CAMTA1: variants seen among roughly 807,000 people sequenced by gnomAD.
CAMTA1 encodes calmodulin binding transcription activator 1.
Under a neutral mutation model 170.9 loss-of-function variants are expected in CAMTA1, and 27 were observed. The observed-to-expected ratio is 0.16, with a 90% CI of 0.12 to 0.22. CAMTA1 has a LOEUF of 0.22. Ranked by LOEUF, CAMTA1 falls within the 10% of genes least tolerant of loss-of-function variation. The probability of loss-of-function intolerance (pLI) is 1.00; values close to 1 mark genes in which losing one functional copy is unlikely to be tolerated. For missense variants in CAMTA1, 1,619 were observed against 2,217.2 expected (o/e 0.73, Z 5.42); for synonymous variants, 833 against 891.5 (o/e 0.93, Z 1.17).
At position 7,092,817 on chromosome 1, in the gene CAMTA1, G is replaced by T. The variant is rs1490350146; in HGVS notation, c.302+1446G>T. 2.0e-5 allele frequency among the ~76,000 whole-genome samples: 3 copies of T among 152,222 alleles called. No homozygotes were observed. Among genetic ancestry groups the T allele is most frequent in the African/African-American group, 7.2e-5 (3 of 41,456 alleles). On this transcript the variant is annotated intron_variant, in intron 4 of 22. Transcript: ENST00000303635. The surrounding 1 kb of genome is among the most constrained non-coding windows in gnomAD (Gnocchi z 5.0). ...ATTTTGCTGTGGGACCTAGGCTGAG[G>T]AAGCCCCCTCTGCCTGGGAAGTTGG...
At position 7,463,841 on chromosome 1, in the gene CAMTA1, C is replaced by T. The variant is rs1354479448; in HGVS notation, c.439-3989C>T. On this transcript the variant is annotated intron_variant, in intron 5 of 22. Coordinates refer to ENST00000303635, the MANE Select transcript of CAMTA1 (RefSeq NM_015215.4). The surrounding 1 kb of genome is among the most constrained non-coding windows in gnomAD (Gnocchi z 4.7). Reference sequence around the variant, plus strand: ...CAGGAGCCCTCTTTGGTGTGGGACCCCCACTGCGTTTGAGGGGGCTCTGCG... The same window carrying T: ...CAGGAGCCCTCTTTGGTGTGGGACCTCCACTGCGTTTGAGGGGGCTCTGCG... Among the ~76,000 whole-genome samples, 1 of 152,214 alleles carries T rather than the reference C, an allele frequency of 6.6e-6. No homozygotes were observed. Among genetic ancestry groups the T allele is most frequent in the African/African-American group, 2.4e-5 (1 of 41,456 alleles).
chr1:7,077,987 C>T (rs558903773), intron 3 of CAMTA1, among the ~76,000 whole-genome samples: 12 of 143,420 alleles, frequency 8.4e-5, no homozygotes, highest in South Asian at 6.5e-4. Flanking sequence ...GAAGAGCTTG[C>T]GTGCACACAC....
At position 7,205,383 on chromosome 1, in the gene CAMTA1, G is replaced by A. The variant is rs544741672; in HGVS notation, c.303-44108G>A. Among the ~76,000 whole-genome samples the A allele has an allele frequency of 3.3e-5, 5 of 152,286 alleles. No homozygotes were observed. The East Asian group carries it at 7.7e-4, about 24-fold the overall frequency. On this transcript the variant is annotated intron_variant, in intron 4 of 22. Transcript: ENST00000303635. ...CTCCCAAAGTGTTGAGATTACAGAC[G>A]TGAGCCACCATGCCCGGCCTCCAAC...
intron 3 of CAMTA1, among the ~76,000 whole-genome samples, chr1:6,930,941 C>T (rs550687497): frequency 3.9e-5 from 6 of 152,372 alleles, no homozygotes; most frequent in Non-Finnish European, 5.9e-5. Context: ...GGCTCCGCCG[C>T]GTCTCCTCTG....
rs545875124 is a variant in CAMTA1, at chr1:7,124,740, A to T, written c.302+33369A>T. ...CCCCACGGCGAAGCACGGCGCTGAC[A>T]GCAGGAGATGGCTTAGTAGGTGTGC... On this transcript the variant is annotated intron_variant, in intron 4 of 22. Coordinates refer to ENST00000303635, the MANE Select transcript of CAMTA1 (RefSeq NM_015215.4). 6.6e-5 allele frequency among the ~76,000 whole-genome samples: 10 copies of T among 152,392 alleles called. No individual in the cohort carries two copies. In the South Asian group the frequency reaches 1.9e-3, roughly 28 times the overall value.
intron 1 of CAMTA1, among the ~76,000 whole-genome samples, chr1:6,804,409 A>G (rs1570177701): frequency 1.3e-5 from 2 of 151,958 alleles, no homozygotes; most frequent in Admixed American, 6.6e-5. Flanking sequence ...TTTCTTTTGT[A>G]TATTTACATG....
At chr1:6,952,226 C>T (rs1455471992) in intron 3 of CAMTA1, among the ~76,000 whole-genome samples, 2 of 150,698 alleles carry the variant, frequency 1.3e-5, no homozygotes, top group South Asian at 2.1e-4. Context: ...GTCAGGAGAT[C>T]GAGACCATCC....
At chr1:7,164,370 T>C (rs763009757) in intron 4 of CAMTA1, among the ~76,000 whole-genome samples, 2 of 152,242 alleles carry the variant, frequency 1.3e-5, no homozygotes, top group Non-Finnish European at 2.9e-5. Flanking sequence ...ATTATCATTT[T>C]TGCCAGCAAC....
chr1:7,728,247 A>G (rs1342660020), intron 11 of CAMTA1, among the ~76,000 whole-genome samples: 4 of 152,188 alleles, frequency 2.6e-5, no homozygotes, highest in African/African-American at 9.7e-5. Context: ...TGACTCAGTG[A>G]TGTCAGGGAA....
At position 7,482,792 on chromosome 1, in the gene CAMTA1, C is replaced by T. The variant is rs1355084476; in HGVS notation, c.510+14891C>T. Reference sequence around the variant, plus strand: ...GAGCTCCCATGGGGTCTCATTTTGCCCTATCTGTGCCCTCAGTTTCTCTGC... The same window carrying T: ...GAGCTCCCATGGGGTCTCATTTTGCTCTATCTGTGCCCTCAGTTTCTCTGC... On this transcript the variant is annotated intron_variant, in intron 6 of 22. Transcript: ENST00000303635. The surrounding 1 kb of genome is among the most constrained non-coding windows in gnomAD (Gnocchi z 4.2). Among the ~76,000 whole-genome samples the T allele has an allele frequency of 1.3e-5, 2 of 152,174 alleles. No homozygotes were observed. Among genetic ancestry groups the T allele is most frequent in the East Asian group, 1.9e-4 (1 of 5,184 alleles).
Position 7,371,239 on chromosome 1 carries a change from T to TTTTG in CAMTA1, c.439-96559_439-96556dup, listed in dbSNP as rs61520755. Among the ~76,000 whole-genome samples, 237 of 147,370 alleles carry TTTTG rather than the reference T, an allele frequency of 1.6e-3. 3 individuals carry two copies. The highest frequency in any genetic ancestry group is 9.2e-3 in the South Asian group (41 of 4,458). ...ATGTGGCACTTTCTAATGCTCTGGG[T>TTTTG]TTTGTTTGTTTGTTTGTTTGTTTGT... On this transcript the variant is annotated intron_variant, in intron 5 of 22. Transcript: ENST00000303635.
intron 11 of CAMTA1, among the ~76,000 whole-genome samples, chr1:7,724,542 G>T (rs530733644): frequency 6.6e-6 from 1 of 152,264 alleles, no homozygotes; most frequent in South Asian, 2.1e-4. Context: ...TCAAAAGATT[G>T]CATGTATGGG....
chr1:7,747,864 C>T (rs553381299), intron 19 of CAMTA1, 83 bp downstream of exon 19: 33 of 754,602 alleles, frequency 4.4e-5, no homozygotes, highest in Middle Eastern at 4.8e-4. Context: ...AAGAGCACTA[C>T]ATCTAGTACC....
chr1:7,271,576 A>G (rs900607609), intron 5 of CAMTA1, among the ~76,000 whole-genome samples: 2 of 119,000 alleles, frequency 1.7e-5, no homozygotes, highest in Non-Finnish European at 3.3e-5. Context: ...AGATAGATAG[A>G]TAGATAGATA....
At chr1:7,297,227 G>A (rs1428607555) in intron 5 of CAMTA1, among the ~76,000 whole-genome samples, 1 of 152,142 alleles carries the variant, frequency 6.6e-6, no homozygotes, top group Non-Finnish European at 1.5e-5. Flanking sequence ...GGGGAGTGTG[G>A]GTTATGTTGT....
At chr1:6,822,823 CACAA>C (rs1402670818) in intron 2 of CAMTA1, among the ~76,000 whole-genome samples, 3 of 150,102 alleles carry the variant, frequency 2.0e-5, no homozygotes, top group Non-Finnish European at 3.0e-5. Flanking sequence ...CACACACACA[CACAA>C]ACACACACAC....
intron 3 of CAMTA1, among the ~76,000 whole-genome samples, chr1:6,905,580 C>A (rs1291301757): frequency 6.6e-6 from 1 of 152,174 alleles, no homozygotes; most frequent in East Asian, 1.9e-4. Context: ...AGCTTCAGCT[C>A]CTAGTGGAAC....
At chr1:7,356,155 G>C (rs1444462461) in intron 5 of CAMTA1, among the ~76,000 whole-genome samples, 1 of 152,238 alleles carries the variant, frequency 6.6e-6, no homozygotes, top group Non-Finnish European at 1.5e-5. Flanking sequence ...GCTTCAGCAG[G>C]CTTGCTGCTT....
At position 7,463,720 on chromosome 1, in the gene CAMTA1, G is replaced by A. The variant is rs17445205; in HGVS notation, c.439-4110G>A. Among the ~76,000 whole-genome samples, 5,991 of 152,222 alleles carry A rather than the reference G, an allele frequency of 0.039. 211 individuals are homozygous for A. The highest frequency in any genetic ancestry group is 0.077 in the East Asian group (399 of 5,156). The stretch of plus-strand genomic sequence containing the variant: ...GAAATCTGCTGCGTCAGATGAGGCC[G>A]TAGAGAGCTGGCCGGGAAGGGAGGT... On this transcript the variant is annotated intron_variant, in intron 5 of 22. Coordinates refer to ENST00000303635, the MANE Select transcript of CAMTA1 (RefSeq NM_015215.4). The surrounding 1 kb of genome is among the most constrained non-coding windows in gnomAD (Gnocchi z 4.7).
Sources: allele counts gnomAD v4.1 joint callset (sites outside exome capture counted in the v4.1 genomes callset), GRCh38; gene constraint gnomAD v4.1.1; non-coding constraint Gnocchi (gnomAD v3.1); transcripts MANE v1.5; gene names NCBI Gene and HGNC (gene_info 2026-07-23, HGNC 2026-07-21).